NAE1: variants seen among roughly 807,000 people sequenced by gnomAD.
NAE1 encodes the protein NEDD8-activating enzyme E1 regulatory subunit.
Under a neutral mutation model 88.0 loss-of-function variants are expected in NAE1, and 59 were observed. That is an observed-to-expected ratio of 0.67 (90% confidence interval 0.54 to 0.83). The LOEUF is 0.83. NAE1 is among the 40% of genes least tolerant of loss of function. NAE1 has a pLI of 0.00. For synonymous variants in NAE1, 186 were observed against 208.9 expected, an observed-to-expected ratio of 0.89 and a Z score of 0.95; for missense variants, 554 against 632.8, an observed-to-expected ratio of 0.88 and a Z score of 1.34.
chr16:66,816,841 G>A, intron 10 of NAE1, 124 bp downstream of exon 10: 1 of 1,463,800 alleles, frequency 6.8e-7, no homozygotes, highest in Non-Finnish European at 9.1e-7. Context: ...AACTTCTCCA[G>A]AAGGAAAATA....
At chr16:66,825,308 G>T (rs1176349203) in intron 3 of NAE1, among the ~76,000 whole-genome samples, 1 of 151,996 alleles carries the variant, frequency 6.6e-6, no homozygotes, top group Non-Finnish European at 1.5e-5. Context: ...TTAGCCGGGC[G>T]TGGTGGCGGG....
In NAE1 at chr16:66,823,597, G is replaced by A. The variant is rs762755416; in HGVS notation, c.253C>T (p.Arg85Ter). 2.5e-6 allele frequency: 4 copies of A among 1,587,154 alleles called. No homozygotes were observed. Among genetic ancestry groups the A allele is most frequent in the Admixed American group, 2.0e-5 (1 of 51,206 alleles). ...AAGAATTCCATGGCAGCTTCAGCTC[G>A]GTTCTTTTTAAAAACAAAGCATTTA... ...FLQRSSIGKN[R>*]AEAAMEFLQE... The change falls in exon 5 of 20, where the codon CGA becomes TGA. Residue 85 changes from arginine to a stop codon, truncating the protein, a stop_gained. Coordinates refer to ENST00000290810, the MANE Select transcript of NAE1 (RefSeq NM_003905.4). LOFTEE classifies it high-confidence loss of function.
At chr16:66,825,986 A>G (rs1188923227) in intron 3 of NAE1, 2 of 153,648 alleles carry the variant, frequency 1.3e-5, no homozygotes, top group African/African-American at 4.8e-5. Context: ...TTTCCCTTAT[A>G]TTTACTCACT....
At chr16:66,824,830 C>A in intron 4 of NAE1, 25 bp downstream of exon 4, 1 of 1,593,686 alleles carries the variant, frequency 6.3e-7, no homozygotes, top group Admixed American at 1.7e-5. Flanking sequence ...ATGCTCACAT[C>A]CAACTATATT....
At chr16:66,814,078 C>T (rs2145326783) in intron 11 of NAE1, among the ~76,000 whole-genome samples, 1 of 152,220 alleles carries the variant, frequency 6.6e-6, no homozygotes. Flanking sequence ...TACCTATTCT[C>T]TTATACCATA....
chr16:66,816,854 A>C, intron 10 of NAE1, 111 bp downstream of exon 10: 1 of 1,492,396 alleles, frequency 6.7e-7, no homozygotes. Context: ...GGAAAATAAA[A>C]GCTCATGATG....
chr16:66,804,004 CAA>C (rs1959459131), intron 19 of NAE1, among the ~76,000 whole-genome samples: 1 of 151,904 alleles, frequency 6.6e-6, no homozygotes, highest in African/African-American at 2.4e-5. Context: ...TTTTTAGCAG[CAA>C]GAGAGAGAGA....
intron 19 of NAE1, among the ~76,000 whole-genome samples, chr16:66,804,792 C>T (rs1959496377): frequency 6.9e-6 from 1 of 144,674 alleles, no homozygotes; most frequent in South Asian, 2.2e-4. Context: ...AAGAAGAGAC[C>T]CCAGAGACTT....
rs535948570 is a variant in NAE1 at position 66,821,441 on chromosome 16, C to T, written c.511+9G>A. ...ACCAATAGTAAGCCCATATGCTCAA[C>T]AATTTTACCTGGATGTTCTTTTATA... On this transcript the variant is annotated intron_variant, in intron 7 of 19. Coordinates refer to ENST00000290810, the MANE Select transcript of NAE1 (RefSeq NM_003905.4). 1.1e-5 allele frequency: 17 copies of T among 1,546,526 alleles called. No individual in the cohort carries two copies. In the East Asian group the frequency reaches 3.3e-4, roughly 30 times the overall value.
At chr16:66,830,714 G>A (rs1022447460) in intron 1 of NAE1, 133 bp downstream of exon 1, 37 of 823,222 alleles carry the variant, frequency 4.5e-5, no homozygotes, top group Admixed American at 1.6e-4. Flanking sequence ...CCGGCTTCCC[G>A]CGCCCCGCAC....
intron 1 of NAE1, chr16:66,827,864 GT>G: frequency 2.4e-6 from 2 of 847,342 alleles, no homozygotes; most frequent in African/African-American, 1.7e-5. Context: ...TTTTGTTTTT[GT>G]TTTTGATACA....
At chr16:66,811,477 A>G (rs570317879) in intron 13 of NAE1, among the ~76,000 whole-genome samples, 1 of 152,258 alleles carries the variant, frequency 6.6e-6, no homozygotes, top group South Asian at 2.1e-4. Context: ...CCATAGATAA[A>G]CATGCTCTAC....
intron 15 of NAE1, 23 bp from the exon 16 acceptor site, chr16:66,809,098 G>A: frequency 1.9e-6 from 3 of 1,567,066 alleles, no homozygotes; most frequent in Non-Finnish European, 2.6e-6. Context: ...AAGATATTCT[G>A]GAAGTAATGA....
intron 1 of NAE1, among the ~76,000 whole-genome samples, chr16:66,830,645 G>T (rs1467549301): frequency 6.6e-6 from 1 of 152,208 alleles, no homozygotes; most frequent in Non-Finnish European, 1.5e-5. Context: ...ACCGCGTGGC[G>T]GGGGAAGGGG....
intron 7 of NAE1, among the ~76,000 whole-genome samples, chr16:66,819,199 T>C (rs1163021962): frequency 1.3e-5 from 2 of 152,154 alleles, no homozygotes; most frequent in East Asian, 1.9e-4. Flanking sequence ...AAGCTCAACA[T>C]TGACAAACCC....
intron 13 of NAE1, among the ~76,000 whole-genome samples, chr16:66,812,332 T>C (rs1959835111): frequency 6.6e-6 from 1 of 152,108 alleles, no homozygotes; most frequent in African/African-American, 2.4e-5. Flanking sequence ...ATAAGGTCGT[T>C]GTGAACCTTG....
At chr16:66,817,142 CTG>C (rs1960076104) in intron 9 of NAE1, 114 bp from the exon 10 acceptor site, 9 of 1,358,332 alleles carry the variant, frequency 6.6e-6, no homozygotes, top group Middle Eastern at 2.6e-4. Flanking sequence ...ATATATTTCT[CTG>C]TGAAATCAGA....
intron 11 of NAE1, among the ~76,000 whole-genome samples, chr16:66,814,964 C>T (rs1214256161): frequency 2.0e-5 from 3 of 152,336 alleles, no homozygotes; most frequent in East Asian, 1.9e-4. Context: ...GGCCTTTGCA[C>T]ATGTGCTCCC....
rs1401614106 is a variant in NAE1 at position 66,808,619 on chromosome 16, A to AG, written c.1238-7dup. The AG allele has an allele frequency of 1.3e-6, 2 of 1,586,148 alleles. No individual in the cohort carries two copies. Among genetic ancestry groups the AG allele is most frequent in the Admixed American group, 3.5e-5 (2 of 57,150 alleles). ...TGGATTGTCCATGCTAGAAACTGAAAGGAAAAAAAATTTCAGTTTAATTTG... is the reference window on the plus strand; with the variant it reads ...TGGATTGTCCATGCTAGAAACTGAAAGGGAAAAAAAATTTCAGTTTAATTTG... On this transcript the variant is annotated splice_polypyrimidine_tract_variant and splice_region_variant and intron_variant, in intron 16 of 19. Transcript: ENST00000290810.
Sources: allele counts gnomAD v4.1 joint callset (sites outside exome capture counted in the v4.1 genomes callset), GRCh38; gene constraint gnomAD v4.1.1; transcripts MANE v1.5; gene names NCBI Gene and HGNC (gene_info 2026-07-23, HGNC 2026-07-21).